CCDC38: variants seen among roughly 807,000 people sequenced by gnomAD.
CCDC38 encodes coiled-coil domain containing 38, also known as coiled-coil domain-containing protein 38.
A neutral mutation model predicts 72.8 loss-of-function variants in CCDC38; 69 were observed. That is an observed-to-expected ratio of 0.95 (90% CI 0.78 to 1.16). The LOEUF (loss-of-function observed/expected upper bound fraction) is 1.16. Among genes scored for constraint, CCDC38 ranks in the 50% most tolerant of loss-of-function variants. The pLI is 0.00. For synonymous variants in CCDC38, 201 were observed against 213.2 expected (o/e 0.94, Z 0.50); for missense variants, 626 against 638.9 (o/e 0.98, Z 0.22).
At chr12:95,941,192 A>C (rs927639190) in intron 1 of CCDC38, among the ~76,000 whole-genome samples, 2 of 152,252 alleles carry the variant, frequency 1.3e-5, no homozygotes, top group African/African-American at 2.4e-5. Context: ...ATGAAAAAGA[A>C]ATATAATTTC....
intron 8 of CCDC38, among the ~76,000 whole-genome samples, 160 bp from the exon 9 acceptor site, chr12:95,891,090 A>G (rs1180708886): frequency 1.3e-5 from 2 of 152,246 alleles, no homozygotes; most frequent in African/African-American, 2.4e-5. Flanking sequence ...CAAACGTGAT[A>G]TGCAGATAGT....
chr12:95,890,067 A>G (rs530213176), intron 9 of CCDC38, among the ~76,000 whole-genome samples: 3 of 152,162 alleles, frequency 2.0e-5, no homozygotes, highest in East Asian at 3.9e-4. Flanking sequence ...GTATACCACC[A>G]TGCCCAGCTA....
chr12:95,935,908 G>A (rs2080388583), intron 2 of CCDC38, among the ~76,000 whole-genome samples: 1 of 151,906 alleles, frequency 6.6e-6, no homozygotes, highest in South Asian at 2.1e-4. Flanking sequence ...GTGAAACCTT[G>A]TCTCTACTAA....
intron 8 of CCDC38, 85 bp downstream of exon 8, chr12:95,894,904 T>C: frequency 8.9e-7 from 1 of 1,123,246 alleles, no homozygotes; most frequent in Non-Finnish European, 1.3e-6. Context: ...CTTAAAAAAA[T>C]ATCTATTTAG....
At chr12:95,872,177 A>C in intron 14 of CCDC38, 78 bp downstream of exon 14, 23 of 1,277,386 alleles carry the variant, frequency 1.8e-5, no homozygotes, top group Non-Finnish European at 2.4e-5. Context: ...ACATTACACA[A>C]GAGACTTGCT....
chr12:95,942,923 AC>A (rs1226140018), upstream of CCDC38: 1 of 110,840 alleles, frequency 9.0e-6, no homozygotes, highest in African/African-American at 3.9e-5. Flanking sequence ...CCAGGCTCCC[AC>A]CCCAACCCCC....
chr12:95,893,472 C>G (rs1270605373), intron 8 of CCDC38, among the ~76,000 whole-genome samples: 1 of 97,730 alleles, frequency 1.0e-5, no homozygotes, highest in Non-Finnish European at 1.9e-5. Flanking sequence ...CTCTCTCTTT[C>G]TCTCTCTCTC....
chr12:95,889,449 C>G (rs927522083), intron 9 of CCDC38, among the ~76,000 whole-genome samples: 1 of 152,112 alleles, frequency 6.6e-6, no homozygotes, highest in African/African-American at 2.4e-5. Flanking sequence ...CCCTCTACCC[C>G]ACCCCTGCCC....
intron 9 of CCDC38, among the ~76,000 whole-genome samples, chr12:95,889,428 C>A (rs2079798959): frequency 1.3e-5 from 2 of 152,036 alleles, no homozygotes; most frequent in Admixed American, 1.3e-4. Context: ...ACATTGACAC[C>A]ACCTCCCACT....
intron 5 of CCDC38, among the ~76,000 whole-genome samples, chr12:95,905,457 A>G (rs1443617804): frequency 2.0e-5 from 3 of 152,238 alleles, no homozygotes; most frequent in African/African-American, 7.2e-5. Context: ...ACTCACACCC[A>G]GGAAATGCTT....
At chr12:95,910,019 C>T (rs1011264976) in intron 4 of CCDC38, among the ~76,000 whole-genome samples, 23 of 152,112 alleles carry the variant, frequency 1.5e-4, no homozygotes, top group Admixed American at 3.3e-4. Flanking sequence ...TCTCAGCATT[C>T]CTAGTCAACA....
At chr12:95,915,488 C>T (rs1382218659) in intron 4 of CCDC38, among the ~76,000 whole-genome samples, 1 of 152,198 alleles carries the variant, frequency 6.6e-6, no homozygotes, top group Non-Finnish European at 1.5e-5. Context: ...CTTAGTTGTG[C>T]ATGTGATTTC....
intron 2 of CCDC38, among the ~76,000 whole-genome samples, chr12:95,921,524 C>T (rs1592796747): frequency 6.6e-6 from 1 of 152,108 alleles, no homozygotes; most frequent in Non-Finnish European, 1.5e-5. Context: ...AACTTCCAAA[C>T]ATGTATAAAA....
intron 3 of CCDC38, 107 bp from the exon 4 acceptor site, chr12:95,917,401 T>TA: frequency 3.3e-6 from 3 of 896,602 alleles, no homozygotes; most frequent in South Asian, 1.9e-5. Context: ...ATCTTAACAT[T>TA]AAAAAAACAA....
chr12:95,929,240 G>A (rs2080309294), intron 2 of CCDC38, among the ~76,000 whole-genome samples: 1 of 152,176 alleles, frequency 6.6e-6, no homozygotes, highest in African/African-American at 2.4e-5. Flanking sequence ...ATAATCTCCT[G>A]GTGCGCTGTT....
chr12:95,867,985 C>T (rs951926543), intron 15 of CCDC38, among the ~76,000 whole-genome samples: 1 of 152,200 alleles, frequency 6.6e-6, no homozygotes, highest in Non-Finnish European at 1.5e-5. Context: ...AACAATAGCA[C>T]TTTTCCCCAT....
intron 2 of CCDC38, among the ~76,000 whole-genome samples, chr12:95,932,521 A>T (rs2080348883): frequency 1.3e-5 from 2 of 152,232 alleles, no homozygotes; most frequent in East Asian, 3.9e-4. Context: ...AATCGTACTG[A>T]TGTATTCATA....
At chr12:95,881,930 G>A (rs1357581156) in intron 10 of CCDC38, among the ~76,000 whole-genome samples, 1 of 152,206 alleles carries the variant, frequency 6.6e-6, no homozygotes, top group African/African-American at 2.4e-5. Context: ...GAATCTGAAT[G>A]TGCTCTACTT....
intron 4 of CCDC38, among the ~76,000 whole-genome samples, chr12:95,911,597 C>T (rs1317275211): frequency 6.6e-6 from 1 of 152,064 alleles, no homozygotes; most frequent in East Asian, 1.9e-4. Flanking sequence ...CAAGTGACAT[C>T]CGATAAACTG....
Sources: gnomAD v4.1 joint callset for allele counts (sites outside exome capture counted in the v4.1 genomes callset) on GRCh38, gnomAD v4.1.1 for gene constraint, MANE v1.5 for transcripts, NCBI Gene and HGNC (gene_info 2026-07-23, HGNC 2026-07-21) for gene names.